USP10: variants seen among roughly 807,000 people sequenced by gnomAD.
USP10 encodes ubiquitin carboxyl-terminal hydrolase 10.
USP10 carries 22 observed loss-of-function variants against 84.5 expected under a neutral mutation model. The observed-to-expected ratio is 0.26, with a 90% CI of 0.19 to 0.37. The LOEUF is 0.37. Ranked by LOEUF, USP10 falls within the 10% of genes least tolerant of loss-of-function variation. The probability of loss-of-function intolerance (pLI) is 1.00; values close to 1 mark genes in which losing one functional copy is unlikely to be tolerated. For synonymous variants in USP10, 454 were observed against 387.6 expected, an observed-to-expected ratio of 1.17 and a Z score of -2.01; for missense variants, 1,019 against 998.9, an observed-to-expected ratio of 1.02 and a Z score of -0.27.
At chr16:84,747,177 C>G (rs960268705) in intron 4 of USP10, among the ~76,000 whole-genome samples, 1 of 152,170 alleles carries the variant, frequency 6.6e-6, no homozygotes, top group African/African-American at 2.4e-5. Context: ...TGGATTCCAC[C>G]AAGCCTGGTG....
chr16:84,778,849 T>G (rs781688228), intron 13 of USP10, 46 bp from the exon 14 acceptor site: 1 of 1,564,752 alleles, frequency 6.4e-7, no homozygotes, highest in Admixed American at 1.8e-5. Flanking sequence ...TAATGATTCG[T>G]GTGCAGTGCT....
rs765568254 is a variant in USP10 at position 84,759,922 on chromosome 16, C to A, written c.1426C>A (p.Pro476Thr). The A allele has an allele frequency of 6.2e-7, 1 of 1,613,954 alleles. No individual in the cohort carries two copies. Among genetic ancestry groups the A allele is most frequent in the East Asian group, 2.2e-5 (1 of 44,878 alleles). The change falls in exon 7 of 14, where the codon CCA becomes ACA. Residue 476 changes from proline (P) to threonine (T), a missense_variant. Around this residue, in one of 2 missense-constraint regions of USP10, gnomAD observed 787 missense variants for 708.8 expected, o/e 1.11. Coordinates refer to ENST00000219473, the MANE Select transcript of USP10 (RefSeq NM_005153.3). ...VRLMNEFTNM[P>T]VPPKPRQALG... Reference sequence around the variant, plus strand: ...GCTAATGAATGAGTTCACTAATATGCCAGTACCTCCAAAACCCCGACAAGG... The same window carrying A: ...GCTAATGAATGAGTTCACTAATATGACAGTACCTCCAAAACCCCGACAAGG...
At chr16:84,734,361 C>T (rs1292212074) in intron 2 of USP10, among the ~76,000 whole-genome samples, 2 of 152,188 alleles carry the variant, frequency 1.3e-5, no homozygotes, top group Admixed American at 6.5e-5. Flanking sequence ...TAATTTACAT[C>T]TCCCAGATTA....
At chr16:84,737,171 G>C (rs989454358) in intron 2 of USP10, among the ~76,000 whole-genome samples, 2 of 152,196 alleles carry the variant, frequency 1.3e-5, no homozygotes, top group Admixed American at 1.3e-4. Context: ...CACACAGGTA[G>C]CCCAGAGGGA....
chr16:84,727,975 A>T (rs1908726352), intron 1 of USP10, among the ~76,000 whole-genome samples: 1 of 152,222 alleles, frequency 6.6e-6, no homozygotes, highest in Non-Finnish European at 1.5e-5. Flanking sequence ...GGGTCAGGAA[A>T]TGTATTTAGT....
intron 1 of USP10, chr16:84,732,931 G>A: frequency 2.7e-6 from 1 of 373,810 alleles, no homozygotes. Flanking sequence ...CTATGGAAAT[G>A]CATTTTTAAA....
chr16:84,712,358 G>A (rs535572879), intron 1 of USP10, among the ~76,000 whole-genome samples: 3 of 152,148 alleles, frequency 2.0e-5, no homozygotes, highest in East Asian at 1.9e-4. Flanking sequence ...GGAAGCAGCC[G>A]CTGGCCTGGC....
chr16:84,710,199 G>A (rs903451832), intron 1 of USP10, among the ~76,000 whole-genome samples: 1 of 151,786 alleles, frequency 6.6e-6, no homozygotes, highest in Non-Finnish European at 1.5e-5. Flanking sequence ...GAACCCGGGA[G>A]GCAGAGGTTG....
chr16:84,774,595 C>T (rs190019397), intron 12 of USP10, among the ~76,000 whole-genome samples: 10 of 151,444 alleles, frequency 6.6e-5, no homozygotes, highest in Admixed American at 2.6e-4. Flanking sequence ...CTCAGCCTCC[C>T]GAGTAGCTGA....
chr16:84,728,358 C>CT (rs11363022), intron 1 of USP10, among the ~76,000 whole-genome samples: 17 of 149,112 alleles, frequency 1.1e-4, no homozygotes, highest in Admixed American at 2.7e-4. Context: ...GCCTTTTTTA[C>CT]TTTTTTTTTT....
chr16:84,732,735 A>G, intron 1 of USP10: 1 of 298,520 alleles, frequency 3.3e-6, no homozygotes, highest in South Asian at 2.7e-5. Context: ...GGCGTGAGCT[A>G]CTGCGCCAGG....
intron 4 of USP10, among the ~76,000 whole-genome samples, chr16:84,750,349 GTGAGCCCAGATCGT>G (rs1567629321): frequency 1.3e-5 from 2 of 151,138 alleles, no homozygotes; most frequent in Non-Finnish European, 2.9e-5. Context: ...TGGAGGTTCA[GTGAGCCCAGATCGT>G]GCCACTGCAC....
chr16:84,764,937 A>T (rs201313659), intron 10 of USP10, among the ~76,000 whole-genome samples: 5 of 76,900 alleles, frequency 6.5e-5, no homozygotes, highest in African/African-American at 2.5e-4. Flanking sequence ...GAGAGAAAAA[A>T]AAATATATAT....
rs369133987 is a variant in USP10 at position 84,751,006 on chromosome 16, T to G, written c.1192+5333T>G. On this transcript the variant is annotated intron_variant, in intron 4 of 13. Transcript: ENST00000219473. Reference sequence around the variant, plus strand: ...AATGAATTACCCTGTCCGTGTTTATTTAAGTGTAAATGAACATACAGTTAT... The same window carrying G: ...AATGAATTACCCTGTCCGTGTTTATGTAAGTGTAAATGAACATACAGTTAT... 8.6e-4 allele frequency among the ~76,000 whole-genome samples: 131 copies of G among 152,364 alleles called. No homozygotes were observed. The South Asian group carries it at 0.027, about 31-fold the overall frequency.
intron 2 of USP10, among the ~76,000 whole-genome samples, 186 bp downstream of exon 2, chr16:84,733,689 C>CT (rs1909534172): frequency 6.6e-6 from 1 of 152,126 alleles, no homozygotes; most frequent in Non-Finnish European, 1.5e-5. Context: ...GCTGTATTTA[C>CT]TTTATTAGGC....
chr16:84,748,869 C>A (rs890599112), intron 4 of USP10, among the ~76,000 whole-genome samples: 2 of 152,248 alleles, frequency 1.3e-5, no homozygotes, highest in African/African-American at 4.8e-5. Context: ...AGCCTTGCCA[C>A]ACACAGTCCA....
intron 13 of USP10, among the ~76,000 whole-genome samples, chr16:84,776,302 G>A (rs1446711944): frequency 3.9e-5 from 6 of 151,962 alleles, no homozygotes; most frequent in African/African-American, 1.5e-4. Flanking sequence ...CAGGGGTGAG[G>A]GCCTAGCGGT....
rs774298 is a variant in USP10 at position 84,775,218 on chromosome 16, C to G, written c.2202C>G (p.Leu734=). ...KNFKCHRTYR[L]FAVVYHHGNS... The stretch of plus-strand genomic sequence containing the variant: ...TTAAATGCCACCGAACCTATCGGCT[C>G]TTTGCAGGTGAGTAAATTTGTACGA... The change falls in exon 13 of 14, where the codon CTC becomes CTG. Residue 734 remains leucine, a synonymous_variant. Transcript: ENST00000219473. 931,118 of 1,611,434 alleles carry G rather than the reference C, an allele frequency of 0.58. 276,879 individuals carry two copies. Among genetic ancestry groups the G allele is most frequent in the Non-Finnish European group, 0.62 (734,475 of 1,177,900 alleles).
intron 1 of USP10, among the ~76,000 whole-genome samples, chr16:84,720,971 G>C (rs529340064): frequency 6.7e-6 from 1 of 150,212 alleles, no homozygotes; most frequent in Non-Finnish European, 1.5e-5. Flanking sequence ...TCAGCTCACG[G>C]CAACCTCCGC....
Sources: gnomAD v4.1 joint callset for allele counts (sites outside exome capture counted in the v4.1 genomes callset) on GRCh38, gnomAD v4.1.1 for gene constraint, gnomAD v4.1.1 regional missense constraint, MANE v1.5 for transcripts, NCBI Gene and HGNC (gene_info 2026-07-23, HGNC 2026-07-21) for gene names.